NPR1: variants seen among roughly 807,000 people sequenced by gnomAD.
The protein encoded by NPR1 is atrial natriuretic peptide receptor 1.
A neutral mutation model predicts 116.9 loss-of-function variants in NPR1; 57 were observed. The observed-to-expected ratio is 0.49, with a 90% CI of 0.39 to 0.61. The LOEUF is 0.61. Among genes scored for constraint, NPR1 ranks in the 20% least tolerant of loss-of-function variants. The pLI, the probability that NPR1 is intolerant of heterozygous loss-of-function variation, is 0.00. For missense variants in NPR1, 1,096 were observed against 1,409.8 expected, an observed-to-expected ratio of 0.78 and a Z score of 3.56; for synonymous variants, 555 against 601.6, an observed-to-expected ratio of 0.92 and a Z score of 1.13.
In NPR1 at chr1:153,687,012, G is replaced by T; in HGVS notation, c.1864-4G>T. The T allele has an allele frequency of 6.2e-7, 1 of 1,614,114 alleles. No homozygotes were observed. Among genetic ancestry groups the T allele is most frequent in the African/African-American group, 1.3e-5 (1 of 75,040 alleles). The stretch of plus-strand genomic sequence containing the variant: ...GATTGGTCTGACTCTTATTGCCCCA[G>T]CAGGACATTCTGGAGAATGAGAGCA... On this transcript the variant is annotated splice_polypyrimidine_tract_variant and splice_region_variant and intron_variant, in intron 11 of 21. Transcript: ENST00000368680.
chr1:153,688,832 A>C, intron 15 of NPR1, 121 bp from the exon 16 acceptor site: 1 of 1,238,858 alleles, frequency 8.1e-7, no homozygotes, highest in South Asian at 1.3e-5. Flanking sequence ...CTATGCCCTC[A>C]ACCCTGAGCG....
intron 13 of NPR1, 45 bp downstream of exon 13, chr1:153,687,401 C>A (rs772613404): frequency 2.5e-6 from 4 of 1,598,160 alleles, no homozygotes; most frequent in Non-Finnish European, 3.4e-6. Context: ...CAGCACCACC[C>A]AGTAGGGAGA....
At position 153,689,347 on chromosome 1, in the gene NPR1, T is replaced by G; in HGVS notation, c.2688+36T>G. 1 of 1,614,110 alleles carries G rather than the reference T, an allele frequency of 6.2e-7. No homozygotes were observed. The highest frequency in any genetic ancestry group is 8.5e-7 in the Non-Finnish European group (1 of 1,180,020). The stretch of plus-strand genomic sequence containing the variant: ...GTTCAGCCACAGGTGCCAGGCAAGC[T>G]CAGCATCTGGATCCCACCAGACCTG... On this transcript the variant is annotated intron_variant, in intron 17 of 21. Coordinates refer to ENST00000368680, the MANE Select transcript of NPR1 (RefSeq NM_000906.4). This position sits in a 1 kb window ranked among gnomAD's most constrained non-coding sequence, Gnocchi z 5.1.
chr1:153,685,471 C>T (rs1482509916), intron 8 of NPR1, among the ~76,000 whole-genome samples: 1 of 152,022 alleles, frequency 6.6e-6, no homozygotes, highest in Non-Finnish European at 1.5e-5. Flanking sequence ...CAAGACCAGC[C>T]TGGGCAACAG....
chr1:153,688,718 A>T lies in NPR1; in HGVS notation c.2418-235A>T, dbSNP rs1414915915. ...TTCTAACTCACTGGGTTCAACAAAG[A>T]TGAACAAAATGTCCATATGTCTGAA... On this transcript the variant is annotated intron_variant, in intron 15 of 21. Transcript: ENST00000368680. 8.7e-6 allele frequency: 5 copies of T among 571,842 alleles called. No individual in the cohort carries two copies. The Admixed American group carries it at 1.5e-4, about 17-fold the overall frequency. 35.4% of individuals were successfully genotyped at this position (571,842 alleles called of 1,614,324 possible).
chr1:153,687,875 C>T (rs1321496858), intron 14 of NPR1, 86 bp downstream of exon 14: 1 of 1,388,468 alleles, frequency 7.2e-7, no homozygotes, highest in Non-Finnish European at 9.9e-7. Context: ...AGCACCACCA[C>T]ACCTTCCTTC....
At position 153,693,170 on chromosome 1, in the gene NPR1, G is replaced by C; in HGVS notation, c.3096G>C (p.Leu1032=). ...TGGAGGAGTTTGGTGGTTTCGAGCTGGAGCTTCGAGGGGATGTAGAAATGA... is the reference window on the plus strand; with the variant it reads ...TGGAGGAGTTTGGTGGTTTCGAGCTCGAGCTTCGAGGGGATGTAGAAATGA... The part of the protein sequence containing the change: ...AVLEEFGGFE[L]ELRGDVEMKG... The change falls in exon 21 of 22, where the codon CTG becomes CTC. Residue 1032 remains leucine (L), a synonymous_variant. Coordinates refer to ENST00000368680, the MANE Select transcript of NPR1 (RefSeq NM_000906.4). The C allele has an allele frequency of 6.2e-7, 1 of 1,614,060 alleles. No homozygotes were observed. Among genetic ancestry groups the C allele is most frequent in the Admixed American group, 1.7e-5 (1 of 59,984 alleles).
chr1:153,685,999 C>T (rs1669917682), intron 9 of NPR1, 119 bp downstream of exon 9: 1 of 1,380,906 alleles, frequency 7.2e-7, no homozygotes, highest in African/African-American at 1.4e-5. Context: ...GATGGGGGCC[C>T]TGGGGGTGGG....
In NPR1 at chr1:153,689,856, G is replaced by C. The variant is rs1006416316; in HGVS notation, c.2808G>C (p.Arg936=). 2 of 1,594,308 alleles carry C rather than the reference G, an allele frequency of 1.3e-6. No individual in the cohort carries two copies. The highest frequency in any genetic ancestry group is 1.3e-5 in the African/African-American group (1 of 74,740). ...TGGTGGTGTCAGGGCTCCCTGTGCG[G>C]AACGGGCGGCTACACGCCTGCGAGG... ...AYMVVSGLPV[R]NGRLHACEVA... The change falls in exon 19 of 22, where the codon CGG becomes CGC. Residue 936 remains arginine, a synonymous_variant. Coordinates refer to ENST00000368680, the MANE Select transcript of NPR1 (RefSeq NM_000906.4). The surrounding 1 kb of genome is among the most constrained non-coding windows in gnomAD (Gnocchi z 5.1).
rs1421133442 is a variant in NPR1, at chr1:153,690,318, G to A, written c.2967G>A (p.Met989Ile). The change falls in exon 20 of 22, where the codon ATG becomes ATA. Residue 989 changes from methionine (M) to isoleucine (I), a missense_variant. Coordinates refer to ENST00000368680, the MANE Select transcript of NPR1 (RefSeq NM_000906.4). ...PVCAGVVGLK[M>I]PRYCLFGDTV... ...GTGCTGGAGTGGTGGGACTGAAGAT[G>A]CCCCGTTACTGTCTCTTTGGGGATA... is the stretch of plus-strand genomic sequence containing the variant. 1 of 1,560,562 alleles carries A rather than the reference G, an allele frequency of 6.4e-7. No homozygotes were observed. Among genetic ancestry groups the A allele is most frequent in the Non-Finnish European group, 8.7e-7 (1 of 1,151,044 alleles).
At position 153,688,069 on chromosome 1, in the gene NPR1, G is replaced by A. The variant is rs146927338; in HGVS notation, c.2265G>A (p.Val755=). ...CCAATACAGAGATCATCGAGCGGGT[G>A]ACTCGGGGTGAGCAGCCCCCCTTCC... The part of the protein sequence containing the change: ...DLSPKEIIER[V]TRGEQPPFRP... The change falls in exon 15 of 22, where the codon GTG becomes GTA. Residue 755 remains valine, a synonymous_variant. Coordinates refer to ENST00000368680, the MANE Select transcript of NPR1 (RefSeq NM_000906.4). 6.8e-6 allele frequency: 11 copies of A among 1,610,358 alleles called. No individual in the cohort carries two copies. The highest frequency in any genetic ancestry group is 9.3e-6 in the Non-Finnish European group (11 of 1,178,308).
At chr1:153,682,136 C>T (rs1311852568) in intron 4 of NPR1, among the ~76,000 whole-genome samples, 1 of 151,980 alleles carries the variant, frequency 6.6e-6, no homozygotes, top group Non-Finnish European at 1.5e-5. Flanking sequence ...CTCACTTCAA[C>T]CTCCGCCTCC....
Position 153,679,818 on chromosome 1 carries a change from G to A in NPR1, c.710G>A (p.Arg237His). 6.5e-7 allele frequency: 1 copy of A among 1,540,996 alleles called. No individual in the cohort carries two copies. Among genetic ancestry groups the A allele is most frequent in the African/African-American group, 1.4e-5 (1 of 73,238 alleles). The change falls in exon 1 of 22, where the codon CGC becomes CAC. Residue 237 changes from arginine (R) to histidine (H), a missense_variant. Coordinates refer to ENST00000368680, the MANE Select transcript of NPR1 (RefSeq NM_000906.4). This position sits in a 1 kb window ranked among gnomAD's most constrained non-coding sequence, Gnocchi z 4.2. Reference protein sequence around the residue: ...HYTRLLRTMPRKGRVIYICSS... With the variant: ...HYTRLLRTMPHKGRVIYICSS... The stretch of plus-strand genomic sequence containing the variant: ...ACCAGGCTGCTGCGGACCATGCCGC[G>A]CAAAGGCCGAGGTGAGACGCTGGCA...
At chr1:153,680,904 G>A (rs1309875890) in intron 2 of NPR1, 6 of 614,382 alleles carry the variant, frequency 9.8e-6, no homozygotes, top group African/African-American at 1.8e-5. Context: ...GGACTGCCCA[G>A]GGGCGCTTCG....
Position 153,680,521 on chromosome 1 carries a change from C to G in NPR1, c.742C>G (p.Pro248Ala), listed in dbSNP as rs755541388. The change falls in exon 2 of 22, where the codon CCT becomes GCT. Residue 248 changes from proline (P) to alanine (A), a missense_variant. Pro to Ala is a conservative substitution (Grantham distance 27, BLOSUM62 -1). Transcript: ENST00000368680. ...TCCAGTTATCTACATCTGCAGCTCC[C>G]CTGATGCCTTCAGAACCCTCATGCT... ...KGRVIYICSS[P>A]DAFRTLMLLA... The G allele has an allele frequency of 2.5e-6, 4 of 1,614,208 alleles. No individual in the cohort carries two copies. The highest frequency in any genetic ancestry group is 3.4e-6 in the Non-Finnish European group (4 of 1,180,036).
chr1:153,693,460 A>G lies in NPR1; in HGVS notation c.*46A>G. 5.2e-6 allele frequency: 8 copies of G among 1,528,010 alleles called. No individual in the cohort carries two copies. Among genetic ancestry groups the G allele is most frequent in the Non-Finnish European group, 7.1e-6 (8 of 1,128,340 alleles). 94.7% of individuals were successfully genotyped at this position (1,528,010 alleles called of 1,614,324 possible). A position where few individuals can be genotyped will look rare whatever the true frequency, so the allele number is the denominator to read the frequency against. ...TCCACACCTCCCTACCCTGTGCCAG[A>G]AGCAACAGAGGTGCCAGGCCTCAGC... On this transcript the variant is annotated 3_prime_UTR_variant, in exon 22 of 22. Coordinates refer to ENST00000368680, the MANE Select transcript of NPR1 (RefSeq NM_000906.4).
At chr1:153,686,989 T>C (rs775129417) in intron 11 of NPR1, 27 bp from the exon 12 acceptor site, 16 of 1,611,730 alleles carry the variant, frequency 9.9e-6, no homozygotes, top group Non-Finnish European at 1.3e-5. Flanking sequence ...CTGCAGGGGA[T>C]TGGTCTGACT....
Position 153,687,289 on chromosome 1 carries a change from G to A in NPR1, c.2025G>A (p.Lys675=). The A allele has an allele frequency of 6.2e-7, 1 of 1,614,122 alleles. No homozygotes were observed. The highest frequency in any genetic ancestry group is 8.5e-7 in the Non-Finnish European group (1 of 1,179,992). Residue 675 remains lysine, a synonymous_variant, in exon 13 of 22, where the codon AAG becomes AAA. Coordinates refer to ENST00000368680, the MANE Select transcript of NPR1 (RefSeq NM_000906.4). Reference sequence around the variant, plus strand: ...TGGTAGATGGGCGCTTTGTGCTCAAGATCACCGACTATGGGCTGGAGAGCT... The same window carrying A: ...TGGTAGATGGGCGCTTTGTGCTCAAAATCACCGACTATGGGCTGGAGAGCT... ...NCVVDGRFVL[K]ITDYGLESFR... is the part of the protein sequence containing the mutation.
chr1:153,690,237 C>T, intron 19 of NPR1, 47 bp from the exon 20 acceptor site: 12 of 1,458,416 alleles, frequency 8.2e-6, no homozygotes, highest in Non-Finnish European at 1.1e-5. Flanking sequence ...ACACCCCTCC[C>T]TCCCTCACTC....
Sources: gnomAD v4.1 joint callset for allele counts (sites outside exome capture counted in the v4.1 genomes callset) on GRCh38, gnomAD v4.1.1 for gene constraint, Gnocchi (gnomAD v3.1) non-coding constraint, MANE v1.5 for transcripts, NCBI Gene and HGNC (gene_info 2026-07-23, HGNC 2026-07-21) for gene names.